Variants in FIGNL2 observed in about 807,000 individuals in gnomAD.
FIGNL2 encodes the protein fidgetin like 2, also known as fidgetin-like protein 2.
For synonymous variants in FIGNL2, 565 were observed against 484.0 expected, an observed-to-expected ratio of 1.17 and a Z score of -2.20; for missense variants, 1,060 against 950.2, an observed-to-expected ratio of 1.12 and a Z score of -1.52.
chr12:51,836,002 G>C (rs184542283), intron 1 of FIGNL2, among the ~76,000 whole-genome samples: 21 of 152,072 alleles, frequency 1.4e-4, no homozygotes, highest in East Asian at 1.2e-3. Flanking sequence ...GTATAGACAG[G>C]GTTTCACCAT....
chr12:51,829,112 G>T (rs1939402862), intron 1 of FIGNL2, among the ~76,000 whole-genome samples: 1 of 152,274 alleles, frequency 6.6e-6, no homozygotes, highest in African/African-American at 2.4e-5. Context: ...CCGGTGTGGA[G>T]AAGGGGCCAT....
chr12:51,842,738 C>T (rs1475270316), intron 1 of FIGNL2, among the ~76,000 whole-genome samples: 2 of 152,168 alleles, frequency 1.3e-5, no homozygotes, highest in Admixed American at 6.5e-5. Context: ...CCCTTACAGC[C>T]TCTGAAACCT....
intron 1 of FIGNL2, among the ~76,000 whole-genome samples, chr12:51,829,835 G>A (rs921316567): frequency 2.0e-5 from 3 of 151,882 alleles, no homozygotes; most frequent in East Asian, 3.9e-4. Flanking sequence ...GGGAGGGAGA[G>A]AGGGAGGAGA....
chr12:51,830,710 C>T (rs975119846), intron 1 of FIGNL2, among the ~76,000 whole-genome samples: 5 of 152,010 alleles, frequency 3.3e-5, no homozygotes, highest in Admixed American at 1.3e-4. Context: ...CCAGGCTGGT[C>T]TCAAACTCCT....
At chr12:51,845,494 G>A in intron 1 of FIGNL2, 1 of 985,446 alleles carries the variant, frequency 1.0e-6, no homozygotes, top group Non-Finnish European at 1.2e-6. Flanking sequence ...CCTGAAGGGG[G>A]TCTCAGGGCT....
chr12:51,845,557 T>C, intron 1 of FIGNL2: 1 of 985,394 alleles, frequency 1.0e-6, no homozygotes, highest in Non-Finnish European at 1.2e-6. Flanking sequence ...GCTGCAGCCC[T>C]GGAGCTTTGC....
intron 1 of FIGNL2, chr12:51,838,131 C>A: frequency 6.6e-6 from 1 of 152,542 alleles, no homozygotes. Flanking sequence ...CACCACACCC[C>A]ACTTCTCACT....
intron 1 of FIGNL2, among the ~76,000 whole-genome samples, chr12:51,824,968 C>T (rs1312606972): frequency 3.3e-5 from 5 of 152,088 alleles, no homozygotes; most frequent in Non-Finnish European, 7.4e-5. Flanking sequence ...CACTTGAACC[C>T]GGGTGGCGGA....
intron 1 of FIGNL2, chr12:51,823,340 A>G (rs1209831762): frequency 6.6e-6 from 1 of 152,250 alleles, no homozygotes; most frequent in East Asian, 1.9e-4. Flanking sequence ...CAGTAGCCAA[A>G]TAGGGAGAGG....
Position 51,821,293 on chromosome 12 carries a change from G to T in FIGNL2, c.1121C>A (p.Ala374Asp). Residue 374 changes from alanine to aspartate, a missense_variant, in exon 2 of 2, where the codon GCC becomes GAC. Physicochemically the swap from Ala to Asp is moderately radical, Grantham distance 126. Transcript: ENST00000618634. ...GETPKGVDPG[A>D]LELVTSKMVD... is the part of the protein sequence containing the mutation. The stretch of plus-strand genomic sequence containing the variant: ...CATCTTGCTCGTCACCAGCTCCAGG[G>T]CCCCAGGGTCCACGCCTTTGGGAGT... The T allele has an allele frequency of 6.6e-7, 1 of 1,524,072 alleles. No individual in the cohort carries two copies. Among genetic ancestry groups the T allele is most frequent in the South Asian group, 1.2e-5 (1 of 83,094 alleles). The allele number at this position is 1,524,072 out of a possible 1,614,324, so 94.4% of individuals were successfully genotyped here. A position where few individuals can be genotyped will look rare whatever the true frequency, so the allele number is the denominator to read the frequency against.
Position 51,821,993 on chromosome 12 carries a change from C to T in FIGNL2, c.421G>A (p.Glu141Lys). 14 of 1,583,880 alleles carry T rather than the reference C, an allele frequency of 8.8e-6. No individual in the cohort carries two copies. The highest frequency in any genetic ancestry group is 1.3e-5 in the African/African-American group (1 of 74,308). ...GSPVLAGNLP[E>K]PLYAGNACGG... ...CACGCATTGCCGGCGTAGAGGGGTT[C>T]AGGGAGGTTCCCGGCTAAAACTGGG... The change falls in exon 2 of 2, where the codon GAA (glutamate) becomes AAA (lysine). Residue 141 changes from glutamate (E) to lysine (K), a missense_variant. Coordinates refer to ENST00000618634, the MANE Select transcript of FIGNL2 (RefSeq NM_001384995.1).
rs1012242382 is a variant in FIGNL2, at chr12:51,821,430, G to A, written c.984C>T (p.Val328=). 3 of 1,538,578 alleles carry A rather than the reference G, an allele frequency of 1.9e-6. No homozygotes were observed. Among genetic ancestry groups the A allele is most frequent in the African/African-American group, 2.8e-5 (2 of 71,398 alleles). ...CGGGGGAGCCCAGGACCTTGAGGGG[G>A]ACGCCGCCACCGTACTTGCCCGACG... ...EEASGKYGGG[V]PLKVLGSPVY... is the part of the protein sequence containing the mutation. Residue 328 remains valine, a synonymous_variant, in exon 2 of 2, where the codon GTC becomes GTT. Transcript: ENST00000618634.
intron 1 of FIGNL2, among the ~76,000 whole-genome samples, chr12:51,834,184 A>T (rs960082551): frequency 2.1e-5 from 3 of 143,060 alleles, no homozygotes; most frequent in Non-Finnish European, 4.7e-5. Flanking sequence ...CAAATAAAGA[A>T]AGCAATCAGG....
At chr12:51,844,712 G>A (rs2139003397) in intron 1 of FIGNL2, 3 of 985,352 alleles carry the variant, frequency 3.0e-6, no homozygotes, top group African/African-American at 1.7e-5. Context: ...ATTGCCACTT[G>A]TTCCTGGAGA....
rs1939158911 is a variant in FIGNL2 at position 51,820,796 on chromosome 12, C to A, written c.1618G>T (p.Ala540Ser). 6.8e-7 allele frequency: 1 copy of A among 1,475,020 alleles called. No homozygotes were observed. Among genetic ancestry groups the A allele is most frequent in the South Asian group, 1.3e-5 (1 of 77,828 alleles). The allele number at this position is 1,475,020 out of a possible 1,614,324, so 91.4% of individuals were successfully genotyped here. Residue 540 changes from alanine to serine, a missense_variant, in exon 2 of 2, where the codon GCT (alanine) becomes TCT (serine). By Grantham distance (99) the Ala-to-Ser change is moderately conservative (BLOSUM62 1). Coordinates refer to ENST00000618634, the MANE Select transcript of FIGNL2 (RefSeq NM_001384995.1). ...CGCCGGCGGGTCGCCTCGTCCAGAG[C>A]CGCGGGCCGCGAGGTGGTGCCCACA... ...LVVGTTSRPA[A>S]LDEATRRRFS...
chr12:51,832,265 C>A, intron 1 of FIGNL2, among the ~76,000 whole-genome samples: 1 of 152,220 alleles, frequency 6.6e-6, no homozygotes, highest in East Asian at 1.9e-4. Flanking sequence ...GGTCCACCTG[C>A]CTTAGCCTCC....
Position 51,821,160 on chromosome 12 carries a change from G to C in FIGNL2, c.1254C>G (p.Tyr418Ter). 6.8e-7 allele frequency: 1 copy of C among 1,476,140 alleles called. No homozygotes were observed. The highest frequency in any genetic ancestry group is 8.9e-7 in the Non-Finnish European group (1 of 1,124,404). 91.4% of individuals were successfully genotyped at this position (1,476,140 alleles called of 1,614,324 possible). The change falls in exon 2 of 2, where the codon TAC (tyrosine) becomes TAG (stop). Residue 418 changes from tyrosine (Y) to a stop codon, truncating the protein, a stop_gained. Transcript: ENST00000618634. LOFTEE classifies it low-confidence loss of function (END_TRUNC). The part of the protein sequence containing the change: ...LVWPLLRPPA[Y>*]PGSLRPPRTV... ...TCCGCGGCGGGCGCAGGCTGCCCGG[G>C]TAGGCGGGCGGCCTGAGCAGGGGCC...
chr12:51,831,420 A>C (rs1218771095), intron 1 of FIGNL2, among the ~76,000 whole-genome samples: 1 of 152,114 alleles, frequency 6.6e-6, no homozygotes, highest in Non-Finnish European at 1.5e-5. Flanking sequence ...CACCCCAGTT[A>C]AGCAGGTATT....
chr12:51,828,738 C>G (rs934086076), intron 1 of FIGNL2, among the ~76,000 whole-genome samples: 2 of 152,194 alleles, frequency 1.3e-5, no homozygotes, highest in Non-Finnish European at 2.9e-5. Context: ...ACCCTGGCTT[C>G]CTGGGGCAGC....
Sources: gnomAD v4.1 joint callset for allele counts (sites outside exome capture counted in the v4.1 genomes callset) on GRCh38, gnomAD v4.1.1 for gene constraint, MANE v1.5 for transcripts, NCBI Gene and HGNC (gene_info 2026-07-23, HGNC 2026-07-21) for gene names.